Variants in BMP6 observed in about 807,000 individuals in gnomAD.
BMP6 encodes bone morphogenetic protein 6, also known as VG-1-R.
BMP6 carries 17 observed loss-of-function variants against 54.1 expected under a neutral mutation model. The observed-to-expected ratio is 0.31, with a 90% CI of 0.22 to 0.47. The LOEUF (loss-of-function observed/expected upper bound fraction) is 0.47. Among genes scored for constraint, BMP6 ranks in the 20% least tolerant of loss-of-function variants. BMP6 has a pLI of 1.00. For synonymous variants in BMP6, 328 were observed against 291.2 expected (o/e 1.13, Z -1.28); for missense variants, 720 against 690.4 (o/e 1.04, Z -0.48).
At chr6:7,768,437 T>C (rs977316319) in intron 1 of BMP6, among the ~76,000 whole-genome samples, 2 of 152,046 alleles carry the variant, frequency 1.3e-5, no homozygotes, top group South Asian at 4.2e-4. Flanking sequence ...TTTGAGTCTT[T>C]GTTTTGCCCT....
intron 1 of BMP6, among the ~76,000 whole-genome samples, chr6:7,775,737 G>T (rs978143765): frequency 1.1e-4 from 16 of 152,164 alleles, no homozygotes; most frequent in Admixed American, 1.0e-3. Context: ...TCTTCCAGGC[G>T]TCTGGGGTCA....
chr6:7,788,132 CTG>C (rs1314602676), intron 1 of BMP6, among the ~76,000 whole-genome samples: 1 of 152,178 alleles, frequency 6.6e-6, no homozygotes, highest in African/African-American at 2.4e-5. Flanking sequence ...TTGCACAACT[CTG>C]GAATATATTT....
intron 1 of BMP6, among the ~76,000 whole-genome samples, chr6:7,752,730 A>G (rs962449995): frequency 9.9e-5 from 15 of 152,172 alleles, no homozygotes; most frequent in African/African-American, 3.6e-4. Flanking sequence ...GTGAACAAAA[A>G]TCTTTGCCCT....
chr6:7,771,532 C>T lies in BMP6; in HGVS notation c.664+43913C>T, dbSNP rs544574439. Reference sequence around the variant, plus strand: ...TGAGGAAACTGAGGCAGAGAAGTTACATAACGTTTTTCCTAGATTATCCAG... The same window carrying T: ...TGAGGAAACTGAGGCAGAGAAGTTATATAACGTTTTTCCTAGATTATCCAG... On this transcript the variant is annotated intron_variant, in intron 1 of 6. Transcript: ENST00000283147. Among the ~76,000 whole-genome samples the T allele has an allele frequency of 3.9e-5, 6 of 152,306 alleles. No homozygotes were observed. In the South Asian group the frequency reaches 1.2e-3, roughly 32 times the overall value.
In BMP6 at chr6:7,751,178, G is replaced by A. The variant is rs1000569709; in HGVS notation, c.664+23559G>A. Among the ~76,000 whole-genome samples, 4 of 152,166 alleles carry A rather than the reference G, an allele frequency of 2.6e-5. 1 individual carries two copies. The South Asian group carries it at 6.2e-4, about 24-fold the overall frequency. On this transcript the variant is annotated intron_variant, in intron 1 of 6. Transcript: ENST00000283147. ...AATGAACGTTTTACTAAGAGTACTCGCTCTACTACCTGCAAACCCAGCCAG... is the reference window on the plus strand; with the variant it reads ...AATGAACGTTTTACTAAGAGTACTCACTCTACTACCTGCAAACCCAGCCAG...
chr6:7,768,484 G>A lies in BMP6; in HGVS notation c.664+40865G>A, dbSNP rs1251230576. Among the ~76,000 whole-genome samples, 4 of 152,156 alleles carry A rather than the reference G, an allele frequency of 2.6e-5. No homozygotes were observed. The East Asian group carries it at 7.7e-4, about 29-fold the overall frequency. On this transcript the variant is annotated intron_variant, in intron 1 of 6. Coordinates refer to ENST00000283147, the MANE Select transcript of BMP6 (RefSeq NM_001718.6). ...GGTCCTCTGGGTGTTTCCAGGCCAT[G>A]GGTTCTGGTCTCTTTGCTTCTATGT...
At chr6:7,760,758 G>A (rs1053278474) in intron 1 of BMP6, among the ~76,000 whole-genome samples, 2 of 152,214 alleles carry the variant, frequency 1.3e-5, no homozygotes, top group Non-Finnish European at 2.9e-5. Flanking sequence ...GTGAGCCACC[G>A]TGCCTGGCTG....
intron 1 of BMP6, among the ~76,000 whole-genome samples, 186 bp downstream of exon 1, chr6:7,727,805 C>A (rs1399584802): frequency 6.6e-6 from 1 of 151,388 alleles, no homozygotes; most frequent in Non-Finnish European, 1.5e-5. Flanking sequence ...CATGCGCTCC[C>A]CCGCGCCGCG....
intron 1 of BMP6, among the ~76,000 whole-genome samples, chr6:7,762,717 C>G (rs1370910296): frequency 6.6e-6 from 1 of 152,190 alleles, no homozygotes; most frequent in African/African-American, 2.4e-5. Context: ...ACTCAATGTG[C>G]ATGTCTGAGT....
chr6:7,731,654 T>C (rs1285571911), intron 1 of BMP6, among the ~76,000 whole-genome samples: 1 of 152,190 alleles, frequency 6.6e-6, no homozygotes, highest in Non-Finnish European at 1.5e-5. Flanking sequence ...TTTCACTGAT[T>C]TGGAAGATTT....
At chr6:7,833,263 G>T (rs572088063) in intron 1 of BMP6, among the ~76,000 whole-genome samples, 1 of 152,182 alleles carries the variant, frequency 6.6e-6, no homozygotes, top group Non-Finnish European at 1.5e-5. Flanking sequence ...TGACTGATGT[G>T]ACAGGAACCA....
chr6:7,754,576 T>C (rs947070563), intron 1 of BMP6, among the ~76,000 whole-genome samples: 1 of 152,240 alleles, frequency 6.6e-6, no homozygotes, highest in African/African-American at 2.4e-5. Context: ...AGGACTGTTA[T>C]GTCTCTGGAT....
At position 7,767,049 on chromosome 6, in the gene BMP6, C is replaced by T. The variant is rs183903652; in HGVS notation, c.664+39430C>T. On this transcript the variant is annotated intron_variant, in intron 1 of 6. Coordinates refer to ENST00000283147, the MANE Select transcript of BMP6 (RefSeq NM_001718.6). ...TCACCCAGGCTGGGGTGCAGTGGCG[C>T]GATCTCGGTGCACTGCAAGCTCCAC... 1.9e-3 allele frequency among the ~76,000 whole-genome samples: 283 copies of T among 149,820 alleles called. 1 individual carries two copies. The highest frequency in any genetic ancestry group is 6.4e-3 in the African/African-American group (260 of 40,612).
At chr6:7,805,126 G>T (rs933681478) in intron 1 of BMP6, among the ~76,000 whole-genome samples, 1 of 152,030 alleles carries the variant, frequency 6.6e-6, no homozygotes, top group African/African-American at 2.4e-5. Context: ...TCAATGTTTT[G>T]TCCCTAGTCT....
chr6:7,804,598 T>C (rs893451669), intron 1 of BMP6, among the ~76,000 whole-genome samples: 1 of 152,188 alleles, frequency 6.6e-6, no homozygotes, highest in Admixed American at 6.5e-5. Flanking sequence ...ATGCTGGAAG[T>C]CTTTTTCTCT....
chr6:7,863,521 C>T (rs568065893), intron 4 of BMP6, among the ~76,000 whole-genome samples: 12 of 152,320 alleles, frequency 7.9e-5, no homozygotes, highest in East Asian at 3.9e-4. Flanking sequence ...GGCACGACTC[C>T]GGTTGGCTTG....
At position 7,842,439 on chromosome 6, in the gene BMP6, A is replaced by G. The variant is rs147236223; in HGVS notation, c.665-2701A>G. On this transcript the variant is annotated intron_variant, in intron 1 of 6. Coordinates refer to ENST00000283147, the MANE Select transcript of BMP6 (RefSeq NM_001718.6). ...TCCCACCCCTCTGTGTAGCTTCTCTACATGGCTAGCTTGGGCTTCCTCACA... is the reference window on the plus strand; with the variant it reads ...TCCCACCCCTCTGTGTAGCTTCTCTGCATGGCTAGCTTGGGCTTCCTCACA... 2.1e-4 allele frequency among the ~76,000 whole-genome samples: 32 copies of G among 151,824 alleles called. 1 individual carries two copies. The East Asian group carries it at 6.0e-3, about 28-fold the overall frequency.
At chr6:7,815,717 G>A (rs555303895) in intron 1 of BMP6, among the ~76,000 whole-genome samples, 1 of 152,260 alleles carries the variant, frequency 6.6e-6, no homozygotes, top group Non-Finnish European at 1.5e-5. Flanking sequence ...AAAAAATAGA[G>A]AACACACACT....
At chr6:7,793,845 T>C (rs1435449046) in intron 1 of BMP6, among the ~76,000 whole-genome samples, 1 of 152,234 alleles carries the variant, frequency 6.6e-6, no homozygotes, top group Non-Finnish European at 1.5e-5. Flanking sequence ...GTCAGTCTTC[T>C]CATCTTGTCC....
Sources: gnomAD v4.1 joint callset for allele counts (sites outside exome capture counted in the v4.1 genomes callset) on GRCh38, gnomAD v4.1.1 for gene constraint, MANE v1.5 for transcripts, NCBI Gene and HGNC (gene_info 2026-07-23, HGNC 2026-07-21) for gene names.